ARHGEF10L: variants seen among roughly 807,000 people sequenced by gnomAD.
ARHGEF10L encodes Rho guanine nucleotide exchange factor 10 like.
A neutral mutation model predicts 141.2 loss-of-function variants in ARHGEF10L; 69 were observed. The ratio of observed to expected loss-of-function variants is 0.49; its 90% CI spans 0.40 to 0.60. The LOEUF is 0.60. ARHGEF10L is among the 20% of genes least tolerant of loss of function. The pLI is 0.00. For missense variants in ARHGEF10L, 1,482 were observed against 1,734.3 expected (o/e 0.85, Z 2.58); for synonymous variants, 711 against 718.5 (o/e 0.99, Z 0.17).
At chr1:17,569,564 C>T (rs949876536) in intron 1 of ARHGEF10L, among the ~76,000 whole-genome samples, 1 of 152,180 alleles carries the variant, frequency 6.6e-6, no homozygotes, top group Non-Finnish European at 1.5e-5. Flanking sequence ...TGAACAGGCC[C>T]CTCCCTGCCA....
At chr1:17,681,924 G>C (rs1233088642) in intron 26 of ARHGEF10L, among the ~76,000 whole-genome samples, 1 of 151,884 alleles carries the variant, frequency 6.6e-6, no homozygotes, top group East Asian at 1.9e-4. Context: ...GTTGTCACTA[G>C]TTACAGAGAT....
At chr1:17,669,530 G>A (rs1213340309) in intron 26 of ARHGEF10L, among the ~76,000 whole-genome samples, 1 of 152,188 alleles carries the variant, frequency 6.6e-6, no homozygotes, top group Non-Finnish European at 1.5e-5. Flanking sequence ...AAGAGGCAGG[G>A]TTGGGATTTG....
chr1:17,676,090 G>T (rs1257979368), intron 26 of ARHGEF10L, among the ~76,000 whole-genome samples: 2 of 123,290 alleles, frequency 1.6e-5, no homozygotes, highest in East Asian at 2.7e-4. Flanking sequence ...GCATGGGTGC[G>T]GGTGTAGGTG....
intron 26 of ARHGEF10L, among the ~76,000 whole-genome samples, chr1:17,677,156 G>A (rs562366526): frequency 2.6e-5 from 4 of 152,252 alleles, no homozygotes; most frequent in East Asian, 1.9e-4. Flanking sequence ...ATCCCTTTAC[G>A]TCAGGTGAGG....
intron 1 of ARHGEF10L, among the ~76,000 whole-genome samples, chr1:17,554,583 CTTTTTTTT>C (rs970778480): frequency 8.2e-6 from 1 of 122,310 alleles, no homozygotes; most frequent in African/African-American, 3.5e-5. Context: ...TCCTTCCTTC[CTTTTTTTT>C]TTTTTTTTTT....
At chr1:17,538,459 A>G (rs924175740), upstream of ARHGEF10L, among the ~76,000 whole-genome samples, 2 of 152,042 alleles carry the variant, frequency 1.3e-5, no homozygotes, top group African/African-American at 4.8e-5. Flanking sequence ...GCTCAGGACA[A>G]CTCTGTGGTG....
chr1:17,664,564 C>T lies in ARHGEF10L; in HGVS notation c.2978C>T (p.Thr993Ile), dbSNP rs772879899. 6 of 1,605,200 alleles carry T rather than the reference C, an allele frequency of 3.7e-6. No individual in the cohort carries two copies. The East Asian group carries it at 1.3e-4, about 36-fold the overall frequency. The stretch of plus-strand genomic sequence containing the variant: ...TGGGCCAGCTGTGGGCCCCGGGTCA[C>T]TGTCCTGGAAGCCACCACCCTGCAG... ...AVWASCGPRV[T>I]VLEATTLQPQ... is the part of the protein sequence containing the mutation. The change falls in exon 26 of 29, where the codon ACT becomes ATT. Residue 993 changes from threonine to isoleucine, a missense_variant. Physicochemically the swap from Thr to Ile is moderately conservative, Grantham distance 89. Coordinates refer to ENST00000361221, the MANE Select transcript of ARHGEF10L (RefSeq NM_018125.4).
intron 2 of ARHGEF10L, among the ~76,000 whole-genome samples, chr1:17,583,706 A>G (rs1486392549): frequency 6.6e-6 from 1 of 151,888 alleles, no homozygotes; most frequent in Non-Finnish European, 1.5e-5. Flanking sequence ...GGAGACCCCC[A>G]CCCCCACTCC....
intron 4 of ARHGEF10L, among the ~76,000 whole-genome samples, chr1:17,594,844 T>G (rs1216722122): frequency 6.6e-6 from 1 of 152,056 alleles, no homozygotes; most frequent in African/African-American, 2.4e-5. Context: ...GCACTGTTGG[T>G]GGGGATGAAA....
At chr1:17,630,986 G>A (rs1460746043) in intron 15 of ARHGEF10L, among the ~76,000 whole-genome samples, 2 of 151,806 alleles carry the variant, frequency 1.3e-5, no homozygotes, top group Non-Finnish European at 2.9e-5. Flanking sequence ...GATGCTCGGG[G>A]TGATCTGTCC....
intron 1 of ARHGEF10L, among the ~76,000 whole-genome samples, chr1:17,562,837 T>G (rs574962979): frequency 9.2e-5 from 14 of 152,262 alleles, no homozygotes; most frequent in Non-Finnish European, 4.4e-5. Context: ...AAGAGGTGTT[T>G]GTTGAACTAA....
intron 26 of ARHGEF10L, among the ~76,000 whole-genome samples, chr1:17,674,654 C>A (rs915083445): frequency 7.9e-5 from 12 of 152,226 alleles, no homozygotes; most frequent in Non-Finnish European, 1.8e-4. Context: ...GGGTGGGAAA[C>A]TGGTCAGTTA....
rs368047357 is a variant in ARHGEF10L at position 17,656,052 on chromosome 1, C to T, written c.2655C>T (p.Asp885=). The change falls in exon 24 of 29, where the codon GAC becomes GAT. Residue 885 remains aspartate (D), a synonymous_variant. Transcript: ENST00000361221. The surrounding 1 kb of genome is among the most constrained non-coding windows in gnomAD (Gnocchi z 4.9). The part of the protein sequence containing the change: ...ESRDESPTVA[D]PSATVHPTIC... ...GAGACGAGAGCCCGACAGTTGCTGA[C>T]CCCTCGGCCACGGTGCATCCAACCA... 41 of 1,566,938 alleles carry T rather than the reference C, an allele frequency of 2.6e-5. No homozygotes were observed. The highest frequency in any genetic ancestry group is 1.8e-4 in the Middle Eastern group (1 of 5,492).
Position 17,624,408 on chromosome 1 carries a change from G to T in ARHGEF10L, c.1222G>T (p.Asp408Tyr). ...TCAGTTTTCCAAGTCCATGGTGCTA[G>T]ATGTGTACAGTGACTACGTGAACAA... is the stretch of plus-strand genomic sequence containing the variant. ...VASFSKSMVL[D>Y]VYSDYVNNFT... is the part of the protein sequence containing the mutation. The change falls in exon 13 of 29, where the codon GAT (aspartate) becomes TAT (tyrosine). Residue 408 changes from aspartate to tyrosine, a missense_variant. Physicochemically the swap from Asp to Tyr is radical, Grantham distance 160. Transcript: ENST00000361221. 1 of 1,614,178 alleles carries T rather than the reference G, an allele frequency of 6.2e-7. No homozygotes were observed. Among genetic ancestry groups the T allele is most frequent in the Non-Finnish European group, 8.5e-7 (1 of 1,180,008 alleles).
chr1:17,673,670 C>T lies in ARHGEF10L; in HGVS notation c.3009+9075C>T, dbSNP rs527633518. ...AGGCAACCTCTGCAGGAGGCATTCC[C>T]GGCTGCCCCTGCATGCCTTGTCTGA... is the stretch of plus-strand genomic sequence containing the variant. On this transcript the variant is annotated intron_variant, in intron 26 of 28. Coordinates refer to ENST00000361221, the MANE Select transcript of ARHGEF10L (RefSeq NM_018125.4). This position sits in a 1 kb window ranked among gnomAD's most constrained non-coding sequence, Gnocchi z 4.1. Among the ~76,000 whole-genome samples, 22 of 152,278 alleles carry T rather than the reference C, an allele frequency of 1.4e-4. No individual in the cohort carries two copies. Among genetic ancestry groups the T allele is most frequent in the South Asian group, 6.2e-4 (3 of 4,828 alleles).
chr1:17,655,857 C>T (rs200475635), intron 23 of ARHGEF10L, 22 bp from the exon 24 acceptor site: 123 of 1,547,500 alleles, frequency 7.9e-5, no homozygotes, highest in Admixed American at 1.8e-4. Flanking sequence ...ACCTGATGGC[C>T]TCTCTGGGTC....
At chr1:17,592,364 C>T (rs1216308755) in intron 4 of ARHGEF10L, among the ~76,000 whole-genome samples, 1 of 152,160 alleles carries the variant, frequency 6.6e-6, no homozygotes, top group African/African-American at 2.4e-5. Flanking sequence ...CATGGGCTCC[C>T]TGAAGGTACC....
At chr1:17,550,135 A>G (rs150066025) in intron 1 of ARHGEF10L, among the ~76,000 whole-genome samples, 3 of 152,290 alleles carry the variant, frequency 2.0e-5, no homozygotes, top group African/African-American at 7.2e-5. Flanking sequence ...TTTGGGTTAT[A>G]TATCAGCTGG....
In ARHGEF10L at chr1:17,693,103, T is replaced by C. The variant is rs566703846; in HGVS notation, c.3185-2055T>C. On this transcript the variant is annotated intron_variant, in intron 27 of 28. Transcript: ENST00000361221. ...CCCTTGTTTCTGTTTTTGTTTCCTG[T>C]ATCTCCTCTCTACACCTCTGTGTCT... Among the ~76,000 whole-genome samples, 79 of 152,318 alleles carry C rather than the reference T, an allele frequency of 5.2e-4. 1 individual carries two copies. The South Asian group carries it at 8.1e-3, about 16-fold the overall frequency.
Sources: allele counts gnomAD v4.1 joint callset (sites outside exome capture counted in the v4.1 genomes callset), GRCh38; gene constraint gnomAD v4.1.1; non-coding constraint Gnocchi (gnomAD v3.1); transcripts MANE v1.5; gene names NCBI Gene and HGNC (gene_info 2026-07-23, HGNC 2026-07-21).